The following GGA3 variants were observed in gnomAD, a reference collection of about 807,000 sequenced individuals.
GGA3 encodes the protein golgi associated, gamma adaptin ear containing, ARF binding protein 3, also known as ADP-ribosylation factor-binding protein GGA3.
GGA3 carries 57 observed loss-of-function variants against 77.5 expected under a neutral mutation model. The observed-to-expected ratio is 0.74, with a 90% CI of 0.59 to 0.92. The LOEUF (loss-of-function observed/expected upper bound fraction) is 0.92. Among genes scored for constraint, GGA3 ranks in the 40% least tolerant of loss-of-function variants. The probability of loss-of-function intolerance (pLI) is 0.00; values close to 1 mark genes in which losing one functional copy is unlikely to be tolerated. For missense variants in GGA3, 970 were observed against 914.9 expected, an observed-to-expected ratio of 1.06 and a Z score of -0.78; for synonymous variants, 416 against 383.7, an observed-to-expected ratio of 1.08 and a Z score of -0.98.
intron 8 of GGA3, chr17:75,242,119 C>G (rs2076580309): frequency 1.6e-6 from 1 of 610,346 alleles, no homozygotes; most frequent in Non-Finnish European, 2.9e-6. Context: ...AGGTTTCCAT[C>G]TGGCCCTTAC....
In GGA3 at chr17:75,246,733, T is replaced by G; in HGVS notation, c.104A>C (p.Gln35Pro). ...DWEYIIGFCDQINKELEGPQI... is the reference protein window; with the variant it reads ...DWEYIIGFCDPINKELEGPQI... ...TCACCCTTCCAGCTCCTTGTTGATC[T>G]GATCACAGAAGCCAATTATGTATTC... The change falls in exon 2 of 17, where the codon CAG (glutamine) becomes CCG (proline). Residue 35 changes from glutamine to proline, a missense_variant. Gln to Pro is a moderately conservative substitution (Grantham distance 76, BLOSUM62 -1). Transcript: ENST00000537686. 6.2e-7 allele frequency: 1 copy of G among 1,613,982 alleles called. No homozygotes were observed. The highest frequency in any genetic ancestry group is 8.5e-7 in the Non-Finnish European group (1 of 1,179,858).
At chr17:75,252,067 C>CTTTCGTTT (rs1369410572) in intron 1 of GGA3, among the ~76,000 whole-genome samples, 6 of 145,340 alleles carry the variant, frequency 4.1e-5, no homozygotes, top group Non-Finnish European at 5.9e-5. Flanking sequence ...TGCCTGGCGT[C>CTTTCGTTT]TTTCGTTTTT....
rs559097663 is a variant in GGA3, at chr17:75,239,694, G to T, written c.1583+95C>A. ...CCTTGCCTTCCAGCCTGACTGATGG[G>T]ACTACAAGGCACCCCCACCCCTTCA... On this transcript the variant is annotated intron_variant, in intron 13 of 16. Coordinates refer to ENST00000537686, the MANE Select transcript of GGA3 (RefSeq NM_138619.4). 3.5e-5 allele frequency: 53 copies of T among 1,502,024 alleles called. 1 individual carries two copies. In the South Asian group the frequency reaches 5.8e-4, roughly 16 times the overall value. 93.0% of individuals were successfully genotyped at this position (1,502,024 alleles called of 1,614,324 possible).
intron 14 of GGA3, 95 bp downstream of exon 14, chr17:75,239,279 CT>C: frequency 2.6e-6 from 3 of 1,164,236 alleles, no homozygotes; most frequent in Non-Finnish European, 3.6e-6. Context: ...AAGGGACCCC[CT>C]GCAAAGAGTG....
intron 3 of GGA3, 145 bp from the exon 4 acceptor site, chr17:75,244,862 G>A (rs1197918383): frequency 9.3e-6 from 6 of 646,336 alleles, no homozygotes; most frequent in East Asian, 2.6e-5. Context: ...TGCACTGCCC[G>A]GGGACAGTGT....
chr17:75,261,475 G>T (rs1480348400), intron 1 of GGA3, 73 bp downstream of exon 1: 24 of 1,224,758 alleles, frequency 2.0e-5, no homozygotes, highest in Non-Finnish European at 2.4e-5. Flanking sequence ...GGAGCCCGGG[G>T]AGGGGACGTG....
chr17:75,243,558 T>C lies in GGA3; in HGVS notation c.313A>G (p.Arg105Gly). The C allele has an allele frequency of 6.2e-7, 1 of 1,614,014 alleles. No homozygotes were observed. The stretch of plus-strand genomic sequence containing the variant: ...TTGGTCTTCACTTTCTCAGACACCC[T>C]GTCCCCCAGGTACTACATGGCAAAA... ...KVVSPKYLGD[R>G]VSEKVKTKVI... Residue 105 changes from arginine to glycine, a missense_variant, in exon 5 of 17, where the codon AGG becomes GGG. By Grantham distance (125) the Arg-to-Gly change is moderately radical. Coordinates refer to ENST00000537686, the MANE Select transcript of GGA3 (RefSeq NM_138619.4).
At chr17:75,244,248 A>C (rs2076677245) in intron 4 of GGA3, among the ~76,000 whole-genome samples, 1 of 152,160 alleles carries the variant, frequency 6.6e-6, no homozygotes, top group African/African-American at 2.4e-5. Flanking sequence ...CGGCCAGCTG[A>C]GCATCGGAGC....
At chr17:75,255,391 C>T (rs878939707) in intron 1 of GGA3, among the ~76,000 whole-genome samples, 1 of 152,168 alleles carries the variant, frequency 6.6e-6, no homozygotes, top group Non-Finnish European at 1.5e-5. Flanking sequence ...GTTACAGCTA[C>T]ATCTCATTGC....
chr17:75,241,928 TC>T lies in GGA3; in HGVS notation c.748-233del. 5.2e-6 allele frequency: 3 copies of T among 579,378 alleles called. No homozygotes were observed. In the South Asian group the frequency reaches 6.0e-5, roughly 12 times the overall value. 35.9% of individuals were successfully genotyped at this position (579,378 alleles called of 1,614,324 possible). A position where few individuals can be genotyped will look rare whatever the true frequency, so the allele number is the denominator to read the frequency against. On this transcript the variant is annotated intron_variant, in intron 8 of 16. Transcript: ENST00000537686. ...ACCAGGATGGGTCAGGGGAAGTCAG[TC>T]CCCTCCTGCCTTCCAGGCTGGCATG... is the stretch of plus-strand genomic sequence containing the variant.
intron 4 of GGA3, 104 bp downstream of exon 4, chr17:75,244,515 C>G (rs759762214): frequency 3.8e-6 from 3 of 782,512 alleles, no homozygotes; most frequent in Non-Finnish European, 4.5e-6. Context: ...CAAATAATCT[C>G]AGCTCCCTGG....
rs1191096464 is a variant in GGA3, at chr17:75,237,488, C to T, written c.*791G>A. On this transcript the variant is annotated 3_prime_UTR_variant, in exon 17 of 17. Transcript: ENST00000537686. ...AGGTAGTCAGTAGGATGGCCTGTCC[C>T]CACGGCTGGAGGCACGCTTTTCCCA... 2 of 1,535,904 alleles carry T rather than the reference C, an allele frequency of 1.3e-6. No individual in the cohort carries two copies. Among genetic ancestry groups the T allele is most frequent in the Non-Finnish European group, 1.7e-6 (2 of 1,146,730 alleles).
intron 1 of GGA3, chr17:75,248,821 C>CAAAAAAA: frequency 1.2e-6 from 1 of 843,124 alleles, no homozygotes; most frequent in South Asian, 5.5e-5. Context: ...AAAAACAAAA[C>CAAAAAAA]AAAAAAAAAA....
rs2076328870 is a variant in GGA3 at position 75,236,643 on chromosome 17, G to C, written c.*1636C>G. On this transcript the variant is annotated 3_prime_UTR_variant, in exon 17 of 17. Coordinates refer to ENST00000537686, the MANE Select transcript of GGA3 (RefSeq NM_138619.4). ...TTTAACATGCAGCAAAACAAGGGCA[G>C]CAGAGCTGGGATATCCAGTACAGCC... The C allele has an allele frequency of 1.3e-5, 2 of 152,648 alleles. No homozygotes were observed. Among genetic ancestry groups the C allele is most frequent in the South Asian group, 4.1e-4 (2 of 4,834 alleles). 9.5% of individuals were successfully genotyped at this position (152,648 alleles called of 1,614,324 possible). A position where few individuals can be genotyped will look rare whatever the true frequency, so the allele number is the denominator to read the frequency against.
In GGA3 at chr17:75,238,740, G is replaced by A. The variant is rs767573498; in HGVS notation, c.1973C>T (p.Pro658Leu). The A allele has an allele frequency of 5.0e-6, 8 of 1,613,560 alleles. No individual in the cohort carries two copies. In the Admixed American group the frequency reaches 6.7e-5, roughly 13 times the overall value. Residue 658 changes from proline to leucine, a missense_variant, in exon 16 of 17, where the codon CCA (proline) becomes CTA (leucine). Coordinates refer to ENST00000537686, the MANE Select transcript of GGA3 (RefSeq NM_138619.4). ...VPKSMKVKLQ[P>L]PSGTELSPFS... ...TGGAGAGAGTTCTGTCCCAGAAGGT[G>A]GCTGCAACTTCACTTTCATTGACTA... is the stretch of plus-strand genomic sequence containing the variant.
chr17:75,250,019 G>A (rs944070513), intron 1 of GGA3, among the ~76,000 whole-genome samples: 1 of 152,196 alleles, frequency 6.6e-6, no homozygotes. Context: ...TTTCTGCAAT[G>A]GTCAGTTCCA....
In GGA3 at chr17:75,261,555, G is replaced by T; in HGVS notation, c.33C>A (p.Ser11=). 1 of 1,547,824 alleles carries T rather than the reference G, an allele frequency of 6.5e-7. No homozygotes were observed. The highest frequency in any genetic ancestry group is 1.2e-5 in the South Asian group (1 of 83,160). MAEAEGESLE[S]WLNKATNPSN... is the part of the protein sequence containing the mutation. ...ACGGCCGCGGCTACTCACTGAGCCA[G>T]GACTCCAGGCTTTCCCCTTCCGCCT... The change falls in exon 1 of 17, where the codon TCC becomes TCA. Residue 11 remains serine, a synonymous_variant. Coordinates refer to ENST00000537686, the MANE Select transcript of GGA3 (RefSeq NM_138619.4).
At chr17:75,243,399 G>T in intron 5 of GGA3, 48 bp downstream of exon 5, 1 of 1,609,410 alleles carries the variant, frequency 6.2e-7, no homozygotes, top group Non-Finnish European at 8.5e-7. Flanking sequence ...CCTTGCCTGG[G>T]CCAGCCTTCG....
intron 1 of GGA3, among the ~76,000 whole-genome samples, chr17:75,247,043 C>G (rs2076785168): frequency 6.6e-6 from 1 of 151,812 alleles, no homozygotes. Flanking sequence ...CAAATTCTGT[C>G]TCATGAAGCT....
Sources: allele counts gnomAD v4.1 joint callset (sites outside exome capture counted in the v4.1 genomes callset), GRCh38; gene constraint gnomAD v4.1.1; transcripts MANE v1.5; gene names NCBI Gene and HGNC (gene_info 2026-07-23, HGNC 2026-07-21).